DLGAP1: variants seen among roughly 807,000 people sequenced by gnomAD.
DLGAP1 encodes DLG associated protein 1.
A neutral mutation model predicts 90.8 loss-of-function variants in DLGAP1; 11 were observed. The ratio of observed to expected loss-of-function variants is 0.12; its 90% CI spans 0.08 to 0.20. DLGAP1 has a LOEUF of 0.20. DLGAP1 is among the 10% of genes least tolerant of loss of function. DLGAP1 has a pLI of 1.00. For missense variants in DLGAP1, 1,050 were observed against 1,333.8 expected (o/e 0.79, Z 3.31); for synonymous variants, 558 against 540.7 (o/e 1.03, Z -0.44).
At chr18:4,380,910 T>C (rs931643507) in intron 1 of DLGAP1, among the ~76,000 whole-genome samples, 2 of 152,148 alleles carry the variant, frequency 1.3e-5, no homozygotes, top group Non-Finnish European at 2.9e-5. Context: ...TACATACATG[T>C]GACTTCCCTC....
At chr18:4,386,963 CT>C (rs766651208) in intron 1 of DLGAP1, among the ~76,000 whole-genome samples, 3 of 152,254 alleles carry the variant, frequency 2.0e-5, no homozygotes, top group Non-Finnish European at 4.4e-5. Context: ...AATGTGGCCT[CT>C]ATAATATTCT....
intron 1 of DLGAP1, among the ~76,000 whole-genome samples, chr18:4,343,020 T>C (rs2081226400): frequency 2.0e-5 from 3 of 151,970 alleles, no homozygotes; most frequent in African/African-American, 4.8e-5. Context: ...TAAGTTTGGA[T>C]TATGGGGCCG....
At chr18:3,740,346 AATTGGGATAATGTATATC>A (rs1164343109) in intron 6 of DLGAP1, among the ~76,000 whole-genome samples, 1 of 152,212 alleles carries the variant, frequency 6.6e-6, no homozygotes, top group African/African-American at 2.4e-5. Flanking sequence ...TTTCCCTGAG[AATTGGGATAATGTATATC>A]ATTGGACAAG....
At chr18:4,298,771 TAA>T (rs35138786) in intron 1 of DLGAP1, among the ~76,000 whole-genome samples, 4 of 96,556 alleles carry the variant, frequency 4.1e-5, no homozygotes, top group African/African-American at 1.5e-4. Context: ...TTTAAATAAA[TAA>T]AAAAAAAAAA....
intron 1 of DLGAP1, among the ~76,000 whole-genome samples, chr18:4,414,712 C>CAAGA (rs1246777620): frequency 9.6e-6 from 1 of 104,346 alleles, no homozygotes; most frequent in African/African-American, 3.0e-5. Context: ...GGCAACAGAG[C>CAAGA]AAGACTCTGT....
chr18:4,383,295 A>T lies in DLGAP1; in HGVS notation c.-267+71711T>A, dbSNP rs1265414292. 6.6e-6 allele frequency among the ~76,000 whole-genome samples: 1 copy of T among 152,216 alleles called. No individual in the cohort carries two copies. The highest frequency in any genetic ancestry group is 1.5e-5 in the Non-Finnish European group (1 of 68,034). On this transcript the variant is annotated intron_variant, in intron 1 of 12. Transcript: ENST00000315677. This position sits in a 1 kb window ranked among gnomAD's most constrained non-coding sequence, Gnocchi z 4.0. The stretch of plus-strand genomic sequence containing the variant: ...AACTTTTAAAATTCAACTACTGTGC[A>T]AGCATATTTATTAATGAGTAAAATA...
At chr18:4,389,425 C>T (rs2082297601) in intron 1 of DLGAP1, among the ~76,000 whole-genome samples, 1 of 152,096 alleles carries the variant, frequency 6.6e-6, no homozygotes, top group South Asian at 2.1e-4. Context: ...GGAAAAATTT[C>T]TGAAGACTGA....
chr18:4,078,363 T>C (rs1351256982), intron 2 of DLGAP1, among the ~76,000 whole-genome samples: 1 of 152,142 alleles, frequency 6.6e-6, no homozygotes, highest in Non-Finnish European at 1.5e-5. Flanking sequence ...ACATTTATAT[T>C]TAAATAGAAA....
At chr18:4,253,930 G>C (rs1181351040) in intron 1 of DLGAP1, among the ~76,000 whole-genome samples, 1 of 152,064 alleles carries the variant, frequency 6.6e-6, no homozygotes, top group Non-Finnish European at 1.5e-5. Flanking sequence ...CAGTTCTCAG[G>C]TTTGGCAGCC....
intron 7 of DLGAP1, among the ~76,000 whole-genome samples, chr18:3,628,120 C>A (rs2058374267): frequency 6.6e-6 from 1 of 151,898 alleles, no homozygotes; most frequent in African/African-American, 2.4e-5. Flanking sequence ...AAGTGGTCCA[C>A]CCGCCTTGGC....
At chr18:3,866,918 T>C (rs2070423045) in intron 4 of DLGAP1, among the ~76,000 whole-genome samples, 1 of 152,226 alleles carries the variant, frequency 6.6e-6, no homozygotes. Context: ...TGGTGCTACC[T>C]TGGATCACTG....
chr18:4,090,997 A>C (rs536932720), intron 2 of DLGAP1, among the ~76,000 whole-genome samples: 1 of 152,348 alleles, frequency 6.6e-6, no homozygotes, highest in South Asian at 2.1e-4. Flanking sequence ...CAAGAACAGA[A>C]AAGCAAACAC....
rs143708591 is a variant in DLGAP1 at position 3,846,286 on chromosome 18, G to A, written c.958-32013C>T. The stretch of plus-strand genomic sequence containing the variant: ...AAAGACTTACACCTTTCCTTTCTTC[G>A]TCACCATACAAAACCAAACCCTAAA... On this transcript the variant is annotated intron_variant, in intron 4 of 12. Coordinates refer to ENST00000315677, the MANE Select transcript of DLGAP1 (RefSeq NM_004746.4). Among the ~76,000 whole-genome samples, 534 of 152,034 alleles carry A rather than the reference G, an allele frequency of 3.5e-3. 3 individuals are homozygous for A. Among genetic ancestry groups the A allele is most frequent in the African/African-American group, 0.012 (510 of 41,468 alleles).
chr18:3,940,495 A>G (rs1012778596), intron 3 of DLGAP1, among the ~76,000 whole-genome samples: 3 of 152,234 alleles, frequency 2.0e-5, no homozygotes, highest in African/African-American at 7.2e-5. Flanking sequence ...CTACTTCACT[A>G]AGAGTTGTTG....
At chr18:4,435,182 G>GA (rs1425714762) in intron 1 of DLGAP1, among the ~76,000 whole-genome samples, 1 of 152,170 alleles carries the variant, frequency 6.6e-6, no homozygotes, top group Non-Finnish European at 1.5e-5. Context: ...GATTTGCAGG[G>GA]AAAAGAGATG....
chr18:4,438,559 A>G (rs1204778205), intron 1 of DLGAP1, among the ~76,000 whole-genome samples: 1 of 150,548 alleles, frequency 6.6e-6, no homozygotes, highest in Non-Finnish European at 1.5e-5. Context: ...CCACTCCACT[A>G]TCCCCATTCA....
chr18:3,930,854 A>G (rs1052733975), intron 3 of DLGAP1, among the ~76,000 whole-genome samples: 3 of 152,330 alleles, frequency 2.0e-5, no homozygotes, highest in Non-Finnish European at 4.4e-5. Flanking sequence ...ACTAGCCCTC[A>G]AAATATCGTG....
At chr18:3,956,159 A>T (rs1272053502) in intron 3 of DLGAP1, among the ~76,000 whole-genome samples, 11 of 152,226 alleles carry the variant, frequency 7.2e-5, no homozygotes, top group Non-Finnish European at 5.9e-5. Flanking sequence ...AAAGATAAAA[A>T]TCTTAAAGGC....
chr18:3,802,717 G>C lies in DLGAP1; in HGVS notation c.1172+11342C>G, dbSNP rs1050795835. ...TGTTTTCATTGCTCTTGGCGGCACT[G>C]AATCGTATATGTGCAGTGGAGACAG... is the stretch of plus-strand genomic sequence containing the variant. On this transcript the variant is annotated intron_variant, in intron 5 of 12. Transcript: ENST00000315677. 2.6e-4 allele frequency among the ~76,000 whole-genome samples: 40 copies of C among 152,072 alleles called. 1 individual carries two copies. Among genetic ancestry groups the C allele is most frequent in the African/African-American group, 9.4e-4 (39 of 41,414 alleles).
Sources: gnomAD v4.1 joint callset for allele counts (sites outside exome capture counted in the v4.1 genomes callset) on GRCh38, gnomAD v4.1.1 for gene constraint, Gnocchi (gnomAD v3.1) non-coding constraint, MANE v1.5 for transcripts, NCBI Gene and HGNC (gene_info 2026-07-23, HGNC 2026-07-21) for gene names.